The following DGCR8 variants were observed in gnomAD, a reference collection of about 807,000 sequenced individuals.
DGCR8 encodes the protein microprocessor complex subunit DGCR8.
Under a neutral mutation model 78.5 loss-of-function variants are expected in DGCR8, and 14 were observed. The ratio of observed to expected loss-of-function variants is 0.18; its 90% CI spans 0.12 to 0.28. DGCR8 has a LOEUF of 0.28. DGCR8 is among the 10% of genes least tolerant of loss of function. The probability of loss-of-function intolerance (pLI) is 1.00; values close to 1 mark genes in which losing one functional copy is unlikely to be tolerated. For missense variants in DGCR8, 702 were observed against 1,022.5 expected, an observed-to-expected ratio of 0.69 and a Z score of 4.28; for synonymous variants, 399 against 402.4, an observed-to-expected ratio of 0.99 and a Z score of 0.10.
chr22:20,097,033 T>TA (rs1393613769), intron 9 of DGCR8, among the ~76,000 whole-genome samples: 2 of 152,218 alleles, frequency 1.3e-5, no homozygotes, highest in African/African-American at 4.8e-5. Context: ...GGTCATGACA[T>TA]ATAATGATTT....
chr22:20,107,111 A>G (rs2147941496), intron 11 of DGCR8, 160 bp from the exon 12 acceptor site: 1 of 735,520 alleles, frequency 1.4e-6, no homozygotes, highest in East Asian at 2.5e-5. Flanking sequence ...GTACTGTGAG[A>G]CTCAGGTGCC....
chr22:20,088,017 GAA>G (rs1446676076), intron 3 of DGCR8, among the ~76,000 whole-genome samples: 1 of 152,112 alleles, frequency 6.6e-6, no homozygotes, highest in Non-Finnish European at 1.5e-5. Context: ...TAGAGGGACT[GAA>G]GAGATGCACG....
At chr22:20,082,438 G>A (rs955994377) in intron 1 of DGCR8, among the ~76,000 whole-genome samples, 1 of 151,630 alleles carries the variant, frequency 6.6e-6, no homozygotes, top group Non-Finnish European at 1.5e-5. Flanking sequence ...GCGATCTCCC[G>A]CTCACTGTAA....
intron 8 of DGCR8, among the ~76,000 whole-genome samples, chr22:20,093,723 T>C (rs533458701): frequency 6.4e-4 from 97 of 152,352 alleles, no homozygotes; most frequent in African/African-American, 2.3e-3. Flanking sequence ...GAAGGCTGTG[T>C]GTCCTGGCGA....
intron 9 of DGCR8, among the ~76,000 whole-genome samples, chr22:20,104,600 G>A (rs528785862): frequency 1.1e-4 from 16 of 152,192 alleles, no homozygotes; most frequent in Non-Finnish European, 2.4e-4. Flanking sequence ...AGCACTGGAC[G>A]TTGCTAATTG....
chr22:20,102,431 G>A (rs2049714608), intron 9 of DGCR8, among the ~76,000 whole-genome samples: 1 of 152,206 alleles, frequency 6.6e-6, no homozygotes, highest in Admixed American at 6.5e-5. Context: ...GCCCCTCAGT[G>A]CGTCTCTCCA....
At position 20,087,241 on chromosome 22, in the gene DGCR8, A is replaced by G. The variant is rs2049496137; in HGVS notation, c.800A>G (p.Tyr267Cys). The G allele has an allele frequency of 1.2e-6, 2 of 1,613,978 alleles. No homozygotes were observed. The highest frequency in any genetic ancestry group is 1.7e-6 in the Non-Finnish European group (2 of 1,179,992). The change falls in exon 3 of 14, where the codon TAT (tyrosine) becomes TGT (cysteine). Residue 267 changes from tyrosine to cysteine, a missense_variant. Transcript: ENST00000351989. The surrounding 1 kb of genome is among the most constrained non-coding windows in gnomAD (Gnocchi z 4.1). ...APKKRRTEEK[Y>C]GGDSDHPSDG... Reference sequence around the variant, plus strand: ...AAAAAGAGGCGAACAGAGGAAAAATATGGCGGAGACAGCGACCATCCGTCC... The same window carrying G: ...AAAAAGAGGCGAACAGAGGAAAAATGTGGCGGAGACAGCGACCATCCGTCC...
In DGCR8 at chr22:20,085,602, T is replaced by A; in HGVS notation, c.-277-85T>A. On this transcript the variant is annotated intron_variant, in intron 1 of 13. Transcript: ENST00000351989. This position sits in a 1 kb window ranked among gnomAD's most constrained non-coding sequence, Gnocchi z 6.2. ...TATTTTGAAGCCCTTTACTATGCTGTTAATAGTGCTTGGCTTTTAACTTGG... is the reference window on the plus strand; with the variant it reads ...TATTTTGAAGCCCTTTACTATGCTGATAATAGTGCTTGGCTTTTAACTTGG... 8.8e-7 allele frequency: 1 copy of A among 1,133,028 alleles called. No individual in the cohort carries two copies. The highest frequency in any genetic ancestry group is 1.1e-6 in the Non-Finnish European group (1 of 890,120). The allele number at this position is 1,133,028 out of a possible 1,614,324, so 70.2% of individuals were successfully genotyped here.
chr22:20,107,431 TG>T, intron 12 of DGCR8, 33 bp downstream of exon 12: 1 of 1,612,728 alleles, frequency 6.2e-7, no homozygotes, highest in African/African-American at 1.3e-5. Context: ...CAGGGCAGCC[TG>T]TGCTGCCACC....
At chr22:20,082,011 T>G (rs1000752245) in intron 1 of DGCR8, among the ~76,000 whole-genome samples, 4 of 151,922 alleles carry the variant, frequency 2.6e-5, no homozygotes, top group African/African-American at 9.7e-5. Flanking sequence ...CCATCCACCA[T>G]CTATAGTTTT....
chr22:20,083,042 C>T (rs1049407300), intron 1 of DGCR8, among the ~76,000 whole-genome samples: 6 of 152,164 alleles, frequency 3.9e-5, no homozygotes, highest in African/African-American at 1.4e-4. Flanking sequence ...CACACTGCCC[C>T]AGCTGGCCAC....
At chr22:20,080,873 C>G (rs1313096798) in intron 1 of DGCR8, among the ~76,000 whole-genome samples, 1 of 152,258 alleles carries the variant, frequency 6.6e-6, no homozygotes, top group Non-Finnish European at 1.5e-5. Context: ...AACCTGTTGA[C>G]AGTGATGCCT....
At chr22:20,082,271 G>A (rs1044959776) in intron 1 of DGCR8, among the ~76,000 whole-genome samples, 16 of 151,684 alleles carry the variant, frequency 1.1e-4, no homozygotes, top group African/African-American at 3.9e-4. Flanking sequence ...TGTTGGCCAG[G>A]CTGGTCTCGA....
intron 9 of DGCR8, among the ~76,000 whole-genome samples, chr22:20,099,909 A>G (rs756391821): frequency 6.6e-6 from 1 of 152,134 alleles, no homozygotes; most frequent in Non-Finnish European, 1.5e-5. Context: ...TGATGGGATT[A>G]CAGGCGTGAG....
Position 20,091,933 on chromosome 22 carries a change from C to T in DGCR8, c.1569C>T (p.Val523=), listed in dbSNP as rs2049569251. The T allele has an allele frequency of 1.2e-6, 2 of 1,614,112 alleles. No homozygotes were observed. Among genetic ancestry groups the T allele is most frequent in the South Asian group, 1.1e-5 (1 of 91,072 alleles). ...TCCTGCACGAGTACATGCAGCGTGT[C>T]CTCAAGGTCCGCCCTGTCTATAATT... The part of the protein sequence containing the change: ...VCILHEYMQR[V]LKVRPVYNFF... Residue 523 remains valine (V), a synonymous_variant, in exon 7 of 14, where the codon GTC becomes GTT. Coordinates refer to ENST00000351989, the MANE Select transcript of DGCR8 (RefSeq NM_022720.7).
At chr22:20,100,445 C>T (rs2049684208) in intron 9 of DGCR8, 13 of 985,418 alleles carry the variant, frequency 1.3e-5, no homozygotes, top group Non-Finnish European at 1.4e-5. Context: ...TGGGGAAGTG[C>T]TTGCGTAGAC....
In DGCR8 at chr22:20,086,815, A is replaced by T. The variant is rs1489031358; in HGVS notation, c.720+132A>T. 1.8e-6 allele frequency: 2 copies of T among 1,082,442 alleles called. No homozygotes were observed. The highest frequency in any genetic ancestry group is 2.6e-6 in the Non-Finnish European group (2 of 763,488). 67.1% of individuals were successfully genotyped at this position (1,082,442 alleles called of 1,614,324 possible). On this transcript the variant is annotated intron_variant, in intron 2 of 13. Coordinates refer to ENST00000351989, the MANE Select transcript of DGCR8 (RefSeq NM_022720.7). The surrounding 1 kb of genome is among the most constrained non-coding windows in gnomAD (Gnocchi z 6.4). ...AAACCAAAATCCCCTCTGAGGTGGA[A>T]TAATGTTAATGTGGAGAAGAGAAAG...
chr22:20,103,022 C>T (rs2049721872), intron 9 of DGCR8, among the ~76,000 whole-genome samples: 1 of 152,066 alleles, frequency 6.6e-6, no homozygotes, highest in South Asian at 2.1e-4. Context: ...ATCCCAGCTA[C>T]TCAGGAGGCT....
rs1219320098 is a variant in DGCR8, at chr22:20,086,813, G to A, written c.720+130G>A. Reference sequence around the variant, plus strand: ...AAAAACCAAAATCCCCTCTGAGGTGGAATAATGTTAATGTGGAGAAGAGAA... The same window carrying A: ...AAAAACCAAAATCCCCTCTGAGGTGAAATAATGTTAATGTGGAGAAGAGAA... On this transcript the variant is annotated intron_variant, in intron 2 of 13. Coordinates refer to ENST00000351989, the MANE Select transcript of DGCR8 (RefSeq NM_022720.7). This position sits in a 1 kb window ranked among gnomAD's most constrained non-coding sequence, Gnocchi z 6.4. 10 of 1,099,552 alleles carry A rather than the reference G, an allele frequency of 9.1e-6. No individual in the cohort carries two copies. The East Asian group carries it at 1.7e-4, about 19-fold the overall frequency. The allele number at this position is 1,099,552 out of a possible 1,614,324, so 68.1% of individuals were successfully genotyped here. A position where few individuals can be genotyped will look rare whatever the true frequency, so the allele number is the denominator to read the frequency against.
Sources: gnomAD v4.1 joint callset for allele counts (sites outside exome capture counted in the v4.1 genomes callset) on GRCh38, gnomAD v4.1.1 for gene constraint, Gnocchi (gnomAD v3.1) non-coding constraint, MANE v1.5 for transcripts, NCBI Gene and HGNC (gene_info 2026-07-23, HGNC 2026-07-21) for gene names.